Variants in NPAS3 observed in about 807,000 individuals in gnomAD.
NPAS3 encodes the protein neuronal PAS domain-containing protein 3.
In NPAS3, 14 loss-of-function variants were observed where a neutral mutation model predicts 73.1. The observed-to-expected ratio is 0.19, with a 90% CI of 0.13 to 0.30. NPAS3 has a LOEUF of 0.30. Among genes scored for constraint, NPAS3 ranks in the 10% least tolerant of loss-of-function variants. The pLI is 1.00. For missense variants in NPAS3, 1,096 were observed against 1,250.0 expected (o/e 0.88, Z 1.86); for synonymous variants, 620 against 541.5 (o/e 1.14, Z -2.01).
intron 3 of NPAS3, among the ~76,000 whole-genome samples, chr14:33,252,865 C>G (rs1252129149): frequency 6.6e-6 from 1 of 151,882 alleles, no homozygotes; most frequent in Admixed American, 6.6e-5. Context: ...TTGTTTGGCT[C>G]CTACTTATAA....
chr14:33,548,807 G>T (rs1246090357), intron 4 of NPAS3, among the ~76,000 whole-genome samples: 1 of 152,182 alleles, frequency 6.6e-6, no homozygotes, highest in Admixed American at 6.5e-5. Flanking sequence ...TGTTGGCTGA[G>T]ATGCCAGCTA....
intron 3 of NPAS3, among the ~76,000 whole-genome samples, chr14:33,255,446 C>A (rs2048743360): frequency 6.6e-6 from 1 of 152,080 alleles, no homozygotes; most frequent in African/African-American, 2.4e-5. Flanking sequence ...ACGATATGAA[C>A]CAGACCAACC....
intron 2 of NPAS3, among the ~76,000 whole-genome samples, chr14:33,083,035 T>A (rs1259897488): frequency 6.6e-6 from 1 of 151,466 alleles, no homozygotes; most frequent in Non-Finnish European, 1.5e-5. Flanking sequence ...CACAAAACAT[T>A]AGCCAGGTGT....
At chr14:33,129,180 G>C (rs1332378590) in intron 2 of NPAS3, among the ~76,000 whole-genome samples, 2 of 152,070 alleles carry the variant, frequency 1.3e-5, no homozygotes, top group Non-Finnish European at 2.9e-5. Context: ...ATAATCTGTA[G>C]CGTGCTTCTC....
chr14:33,778,256 C>T (rs1014590900), intron 8 of NPAS3, among the ~76,000 whole-genome samples: 9 of 152,158 alleles, frequency 5.9e-5, no homozygotes, highest in African/African-American at 1.2e-4. Flanking sequence ...GAAACACAAT[C>T]GCTTGATCTA....
chr14:33,289,697 C>T (rs1429022744), intron 3 of NPAS3, among the ~76,000 whole-genome samples: 1 of 151,938 alleles, frequency 6.6e-6, no homozygotes, highest in Non-Finnish European at 1.5e-5. Flanking sequence ...TGGGGCATGA[C>T]TGTAGACCCA....
intron 7 of NPAS3, among the ~76,000 whole-genome samples, chr14:33,752,456 T>A (rs781545155): frequency 3.3e-5 from 5 of 152,158 alleles, no homozygotes; most frequent in Non-Finnish European, 7.3e-5. Flanking sequence ...CTCTTGGCTC[T>A]TTTTCATGTG....
Position 33,799,723 on chromosome 14 carries a change from G to A in NPAS3, c.1427-11G>A, listed in dbSNP as rs759978754. The A allele has an allele frequency of 1.1e-5, 16 of 1,482,934 alleles. No individual in the cohort carries two copies. Among genetic ancestry groups the A allele is most frequent in the Admixed American group, 5.9e-5 (3 of 50,684 alleles). The allele number at this position is 1,482,934 out of a possible 1,614,324, so 91.9% of individuals were successfully genotyped here. On this transcript the variant is annotated splice_polypyrimidine_tract_variant and intron_variant, in intron 11 of 11. Coordinates refer to ENST00000356141, the Ensembl canonical transcript of NPAS3. ...CCGCCCCCGCCACCGCCGGCCCCCC[G>A]CCCCACACAGAGGACAACGAGAACT...
At chr14:33,629,984 C>T (rs2058333645) in intron 5 of NPAS3, among the ~76,000 whole-genome samples, 1 of 152,204 alleles carries the variant, frequency 6.6e-6, no homozygotes, top group Non-Finnish European at 1.5e-5. Context: ...TTCACATCCA[C>T]AATTTCTCAA....
At position 33,667,918 on chromosome 14, in the gene NPAS3, T is replaced by A. The variant is rs527317081; in HGVS notation, c.559-8293T>A. Among the ~76,000 whole-genome samples the A allele has an allele frequency of 1.6e-3, 249 of 152,292 alleles. 1 individual carries two copies. Among genetic ancestry groups the A allele is most frequent in the African/African-American group, 5.8e-3 (240 of 41,540 alleles). The stretch of plus-strand genomic sequence containing the variant: ...TTGTGGTTTTCCAAGATTTTTTTTT[T>A]AATTTTAAGTTCTGGGGTACATGTA... On this transcript the variant is annotated intron_variant, in intron 5 of 11. Coordinates refer to ENST00000356141, the Ensembl canonical transcript of NPAS3.
intron 4 of NPAS3, among the ~76,000 whole-genome samples, chr14:33,489,890 C>T (rs1306078213): frequency 6.6e-6 from 1 of 152,110 alleles, no homozygotes; most frequent in Non-Finnish European, 1.5e-5. Flanking sequence ...CATTGTTGAT[C>T]TGCTTTTTAT....
At chr14:33,156,328 T>TAAC (rs2044647119) in intron 2 of NPAS3, among the ~76,000 whole-genome samples, 1 of 152,200 alleles carries the variant, frequency 6.6e-6, no homozygotes, top group East Asian at 1.9e-4. Context: ...CCTTGATGTG[T>TAAC]TTAATACCTG....
intron 7 of NPAS3, among the ~76,000 whole-genome samples, chr14:33,772,421 A>C (rs1014580605): frequency 6.6e-6 from 1 of 152,224 alleles, no homozygotes; most frequent in East Asian, 1.9e-4. Flanking sequence ...GGTCAATCTG[A>C]CATGCTGACA....
intron 6 of NPAS3, among the ~76,000 whole-genome samples, chr14:33,727,435 A>G (rs1434849699): frequency 1.3e-5 from 2 of 152,162 alleles, no homozygotes; most frequent in African/African-American, 4.8e-5. Context: ...CTGATATACA[A>G]TGTTCTCTGT....
intron 3 of NPAS3, among the ~76,000 whole-genome samples, chr14:33,286,487 A>G (rs1443070006): frequency 6.6e-6 from 1 of 152,162 alleles, no homozygotes; most frequent in Non-Finnish European, 1.5e-5. Flanking sequence ...ATGCCCCCAA[A>G]TGCTTTCTAT....
chr14:33,448,350 A>C (rs114777806), intron 4 of NPAS3, among the ~76,000 whole-genome samples: 1 of 152,230 alleles, frequency 6.6e-6, no homozygotes, highest in Admixed American at 6.5e-5. Context: ...AACAGATTTC[A>C]TCTCTCTAAA....
At chr14:33,335,108 A>C (rs2140291406) in intron 3 of NPAS3, among the ~76,000 whole-genome samples, 1 of 150,246 alleles carries the variant, frequency 6.7e-6, no homozygotes, top group South Asian at 2.1e-4. Flanking sequence ...ATTGATGGGC[A>C]CTTGGGCTGG....
At chr14:33,646,574 T>C (rs186499526) in intron 5 of NPAS3, among the ~76,000 whole-genome samples, 6 of 152,326 alleles carry the variant, frequency 3.9e-5, no homozygotes, top group Admixed American at 3.9e-4. Context: ...GATCTCATAG[T>C]CCTTCATGGC....
intron 1 of NPAS3, among the ~76,000 whole-genome samples, chr14:33,022,027 T>C (rs2039616404): frequency 6.6e-6 from 1 of 152,226 alleles, no homozygotes; most frequent in African/African-American, 2.4e-5. Flanking sequence ...CATTCCAACC[T>C]GCATCTGTCA....
Sources: gnomAD v4.1 joint callset for allele counts (sites outside exome capture counted in the v4.1 genomes callset) on GRCh38, gnomAD v4.1.1 for gene constraint, MANE v1.5 for transcripts, NCBI Gene and HGNC (gene_info 2026-07-23, HGNC 2026-07-21) for gene names.